IRAK1BP1: variants seen among roughly 807,000 people sequenced by gnomAD.
IRAK1BP1 encodes the protein interleukin 1 receptor associated kinase 1 binding protein 1, also known as interleukin-1 receptor-associated kinase 1-binding protein 1.
A neutral mutation model predicts 28.0 loss-of-function variants in IRAK1BP1; 24 were observed. The ratio of observed to expected loss-of-function variants is 0.86; its 90% CI spans 0.62 to 1.20. The LOEUF (loss-of-function observed/expected upper bound fraction) is 1.20, where lower values mean the gene tolerates loss of function less well. Among genes scored for constraint, IRAK1BP1 ranks in the 50% most tolerant of loss-of-function variants. IRAK1BP1 has a pLI of 0.00. For missense variants in IRAK1BP1, 336 were observed against 316.7 expected (o/e 1.06, Z -0.46); for synonymous variants, 131 against 116.3 (o/e 1.13, Z -0.81).
At chr6:78,906,816 G>A (rs1161729054), downstream of IRAK1BP1, among the ~76,000 whole-genome samples, 5 of 151,998 alleles carry the variant, frequency 3.3e-5, no homozygotes, top group African/African-American at 9.7e-5. Context: ...AAATGTGCAC[G>A]TGTCATTTTA....
chr6:78,949,810 T>C (rs1334842912), downstream of IRAK1BP1, among the ~76,000 whole-genome samples: 4 of 152,116 alleles, frequency 2.6e-5, no homozygotes, highest in Non-Finnish European at 5.9e-5. Flanking sequence ...CACCTCAGCC[T>C]CATTAGTAGC....
chr6:78,913,638 C>CT (rs1772482876), intron 4 of IRAK1BP1, among the ~76,000 whole-genome samples: 1 of 152,014 alleles, frequency 6.6e-6, no homozygotes, highest in South Asian at 2.1e-4. Context: ...GAGCGAGACT[C>CT]TGTCTCAAAA....
chr6:78,891,066 A>G (rs2127649946), intron 2 of IRAK1BP1, among the ~76,000 whole-genome samples: 1 of 152,330 alleles, frequency 6.6e-6, no homozygotes, highest in South Asian at 2.1e-4. Context: ...AATGCCTCCA[A>G]GAAAAAAATA....
intron 2 of IRAK1BP1, among the ~76,000 whole-genome samples, chr6:78,892,090 AC>A (rs1044071303): frequency 1.1e-4 from 17 of 152,318 alleles, no homozygotes; most frequent in African/African-American, 4.1e-4. Flanking sequence ...GTAAGAAGAA[AC>A]AAAACAAGGT....
downstream of IRAK1BP1, among the ~76,000 whole-genome samples, chr6:78,906,003 G>A (rs537843051): frequency 1.3e-3 from 191 of 152,262 alleles, no homozygotes; most frequent in Non-Finnish European, 2.3e-3. Flanking sequence ...TCTAAAGAAT[G>A]TTTTAAAATG....
At chr6:78,890,099 G>T (rs559838113) in intron 2 of IRAK1BP1, among the ~76,000 whole-genome samples, 1 of 152,078 alleles carries the variant, frequency 6.6e-6, no homozygotes, top group East Asian at 1.9e-4. Flanking sequence ...CATAAAAAAG[G>T]ATGCGTTCAT....
chr6:78,914,966 A>G (rs1185033240), intron 4 of IRAK1BP1, among the ~76,000 whole-genome samples: 2 of 151,950 alleles, frequency 1.3e-5, no homozygotes, highest in Non-Finnish European at 2.9e-5. Context: ...GATTATAGGC[A>G]CGTGCCACCA....
intron 1 of IRAK1BP1, among the ~76,000 whole-genome samples, chr6:78,870,636 T>A (rs1469767852): frequency 1.3e-5 from 2 of 152,222 alleles, no homozygotes; most frequent in Non-Finnish European, 1.5e-5. Flanking sequence ...AAAAGTGTTT[T>A]AAAGTTCTAA....
downstream of IRAK1BP1, among the ~76,000 whole-genome samples, chr6:78,949,279 G>A (rs1582088946): frequency 6.6e-6 from 1 of 151,936 alleles, no homozygotes; most frequent in African/African-American, 2.4e-5. Flanking sequence ...GTACCTGGGG[G>A]GCCTTACAGA....
At chr6:78,945,935 T>C (rs1385130662) in exon 5 of IRAK1BP1, 22 of 1,158,596 alleles carry the variant, frequency 1.9e-5, no homozygotes, top group African/African-American at 3.1e-5. Context: ...ATATTGCATT[T>C]GGCAAAGTAA....
the IRAK1BP1 span, among the ~76,000 whole-genome samples, chr6:78,967,347 A>G: frequency 2.6e-4 from 39 of 152,186 alleles, no homozygotes; most frequent in Non-Finnish European, 4.4e-4. Context: ...ACCTCACACT[A>G]AACATAAAGT....
chr6:78,973,948 T>C, the IRAK1BP1 span, among the ~76,000 whole-genome samples: 1 of 151,902 alleles, frequency 6.6e-6, no homozygotes, highest in African/African-American at 2.4e-5. Flanking sequence ...CACCCCACTG[T>C]CAACATTAGA....
the IRAK1BP1 span, among the ~76,000 whole-genome samples, chr6:78,975,675 G>A: frequency 2.6e-5 from 4 of 152,156 alleles, no homozygotes; most frequent in Admixed American, 6.5e-5. Context: ...CTTCAGCAAA[G>A]TCTCAGGATA....
the IRAK1BP1 span, chr6:78,955,322 G>T: frequency 6.4e-6 from 9 of 1,400,780 alleles, no homozygotes; most frequent in Admixed American, 1.4e-4. Flanking sequence ...AAACATTTTA[G>T]ATGTCATTAT....
In IRAK1BP1 at chr6:78,871,422, G is replaced by A. The variant is rs1267502176; in HGVS notation, c.315+3531G>A. The A allele has an allele frequency of 5.1e-6, 5 of 985,394 alleles. No homozygotes were observed. In the Admixed American group the frequency reaches 3.1e-4, roughly 61 times the overall value. The allele number at this position is 985,394 out of a possible 1,614,324, so 61.0% of individuals were successfully genotyped here. ...TTTAACACAGTGCAACCAAAAGACA[G>A]ACACCTTTTCTCCTTTTTGCTTCAC... On this transcript the variant is annotated intron_variant, in intron 1 of 3. Coordinates refer to ENST00000369940, the MANE Select transcript of IRAK1BP1 (RefSeq NM_001010844.4).
At chr6:78,933,534 G>A (rs1471611693) in intron 4 of IRAK1BP1, among the ~76,000 whole-genome samples, 1 of 152,154 alleles carries the variant, frequency 6.6e-6, no homozygotes, top group African/African-American at 2.4e-5. Flanking sequence ...AGAATCGCTT[G>A]AACCCAGGAG....
intron 4 of IRAK1BP1, among the ~76,000 whole-genome samples, chr6:78,918,578 T>TAAAAAAAAAAAAA (rs58669467): frequency 3.0e-5 from 2 of 66,798 alleles, no homozygotes; most frequent in African/African-American, 6.1e-5. Flanking sequence ...CCAAAAACAG[T>TAAAAAAAAAAAAA]AAAAAAAAAA....
chr6:78,872,557 A>G (rs905435306), intron 1 of IRAK1BP1, among the ~76,000 whole-genome samples: 1 of 152,238 alleles, frequency 6.6e-6, no homozygotes, highest in Non-Finnish European at 1.5e-5. Flanking sequence ...TATATGTACC[A>G]GTGGAATATT....
chr6:78,923,081 T>C (rs959175314), intron 4 of IRAK1BP1, among the ~76,000 whole-genome samples: 4 of 151,982 alleles, frequency 2.6e-5, no homozygotes, highest in African/African-American at 9.7e-5. Flanking sequence ...CAATATTAAG[T>C]TTAAATGTAA....
Sources: allele counts gnomAD v4.1 joint callset (sites outside exome capture counted in the v4.1 genomes callset), GRCh38; gene constraint gnomAD v4.1.1; transcripts MANE v1.5; gene names NCBI Gene and HGNC (gene_info 2026-07-23, HGNC 2026-07-21).